Variants in CPED1 observed in about 807,000 individuals in gnomAD.
The protein encoded by CPED1 is cadherin-like and PC-esterase domain-containing protein 1.
In CPED1, 114 loss-of-function variants were observed where a neutral mutation model predicts 128.2. The observed-to-expected ratio is 0.89, with a 90% CI of 0.76 to 1.04. CPED1 has a LOEUF of 1.04. Ranked by LOEUF, CPED1 falls within the 50% of genes least tolerant of loss-of-function variation. The pLI, the probability that CPED1 is intolerant of heterozygous loss-of-function variation, is 0.00. For synonymous variants in CPED1, 462 were observed against 426.7 expected, an observed-to-expected ratio of 1.08 and a Z score of -1.02; for missense variants, 1,211 against 1,207.1, an observed-to-expected ratio of 1.00 and a Z score of -0.05.
At chr7:121,209,717 C>G (rs1797603782) in intron 16 of CPED1, among the ~76,000 whole-genome samples, 1 of 151,880 alleles carries the variant, frequency 6.6e-6, no homozygotes, top group South Asian at 2.1e-4. Flanking sequence ...AGTAATTCCC[C>G]AAAAGCACAG....
At chr7:121,179,295 A>G (rs1199132200) in intron 16 of CPED1, among the ~76,000 whole-genome samples, 3 of 152,108 alleles carry the variant, frequency 2.0e-5, no homozygotes, top group Non-Finnish European at 4.4e-5. Context: ...GGATATAGAT[A>G]TACTCTGTAA....
At chr7:121,181,697 A>G (rs1431295102) in intron 16 of CPED1, among the ~76,000 whole-genome samples, 2 of 152,114 alleles carry the variant, frequency 1.3e-5, no homozygotes, top group Admixed American at 6.6e-5. Flanking sequence ...GTCAACCTTT[A>G]GTAAAATTGT....
At chr7:121,201,975 A>T (rs1002148792) in intron 16 of CPED1, among the ~76,000 whole-genome samples, 1 of 152,152 alleles carries the variant, frequency 6.6e-6, no homozygotes, top group African/African-American at 2.4e-5. Flanking sequence ...TGGGTATAGC[A>T]TAGCAAAATT....
rs557976074 is a variant in CPED1, at chr7:121,125,866, A to G, written c.1108A>G (p.Ser370Gly). The G allele has an allele frequency of 2.6e-5, 42 of 1,613,484 alleles. No homozygotes were observed. In the African/African-American group the frequency reaches 5.1e-4, roughly 19 times the overall value. The change falls in exon 9 of 23, where the codon AGT (serine) becomes GGT (glycine). Residue 370 changes from serine (S) to glycine (G), a missense_variant. Coordinates refer to ENST00000310396, the MANE Select transcript of CPED1 (RefSeq NM_024913.5). ...TCTAACTTTTGATATTGGTTATGGC[A>G]GTTTCATGTACCCTGTAGTGCTCCA... ...QLLTFDIGYG[S>G]FMYPVVLQVH... is the part of the protein sequence containing the mutation.
intron 4 of CPED1, among the ~76,000 whole-genome samples, chr7:121,060,379 T>C (rs1793627227): frequency 1.3e-5 from 2 of 152,216 alleles, no homozygotes; most frequent in African/African-American, 2.4e-5. Context: ...CGGGATCCAC[T>C]GGGTGAAGCC....
intron 4 of CPED1, among the ~76,000 whole-genome samples, chr7:121,060,597 C>G (rs1441721883): frequency 6.6e-6 from 1 of 152,192 alleles, no homozygotes; most frequent in Non-Finnish European, 1.5e-5. Flanking sequence ...TGTGTGGACA[C>G]TCTGTATCTA....
At chr7:121,124,673 A>G (rs771132569) in intron 8 of CPED1, among the ~76,000 whole-genome samples, 200 bp downstream of exon 8, 3 of 152,176 alleles carry the variant, frequency 2.0e-5, no homozygotes, top group African/African-American at 7.2e-5. Flanking sequence ...TGGCAGACTC[A>G]GTAGTATCTA....
rs745337925 is a variant in CPED1 at position 121,015,722 on chromosome 7, A to T, written c.307A>T (p.Arg103Trp). 6.2e-7 allele frequency: 1 copy of T among 1,612,038 alleles called. No homozygotes were observed. Among genetic ancestry groups the T allele is most frequent in the South Asian group, 1.1e-5 (1 of 90,708 alleles). ...GSHGRRAILY[R>W]PPFYSKTELQ... ...CCATGGCCGAAGGGCCATACTCTAC[A>T]GGCCTCCTTTCTACAGCAAAACAGA... Residue 103 changes from arginine to tryptophan, a missense_variant, in exon 3 of 23, where the codon AGG becomes TGG. By Grantham distance (101) the Arg-to-Trp change is moderately radical. Transcript: ENST00000310396.
At chr7:121,276,063 T>C (rs1249847005) in intron 22 of CPED1, among the ~76,000 whole-genome samples, 1 of 152,112 alleles carries the variant, frequency 6.6e-6, no homozygotes, top group Non-Finnish European at 1.5e-5. Context: ...TGAATTAGTA[T>C]GGAAATTTAA....
intron 3 of CPED1, among the ~76,000 whole-genome samples, chr7:121,041,465 A>AT (rs1270811422): frequency 6.6e-6 from 1 of 152,232 alleles, no homozygotes; most frequent in East Asian, 1.9e-4. Context: ...ATATTCTTAG[A>AT]TTTTTATTAC....
At chr7:121,203,447 T>C (rs553620568) in intron 16 of CPED1, among the ~76,000 whole-genome samples, 1 of 152,284 alleles carries the variant, frequency 6.6e-6, no homozygotes, top group South Asian at 2.1e-4. Flanking sequence ...TCTTACCATC[T>C]TTCCCTTTCC....
At chr7:121,111,307 C>G (rs764178152) in intron 7 of CPED1, among the ~76,000 whole-genome samples, 7 of 152,138 alleles carry the variant, frequency 4.6e-5, no homozygotes, top group Non-Finnish European at 1.0e-4. Flanking sequence ...CACTGTAACC[C>G]CTATTTCCAA....
intron 22 of CPED1, among the ~76,000 whole-genome samples, chr7:121,288,376 A>G (rs1792627162): frequency 6.6e-6 from 1 of 152,228 alleles, no homozygotes; most frequent in African/African-American, 2.4e-5. Context: ...TTTGAAGAAC[A>G]TATGGGAGCA....
At chr7:121,241,171 G>A (rs1798383711) in intron 17 of CPED1, among the ~76,000 whole-genome samples, 1 of 92,026 alleles carries the variant, frequency 1.1e-5, no homozygotes, top group Non-Finnish European at 2.3e-5. Context: ...GTGAAACCCC[G>A]TCTCTACTAA....
chr7:121,266,957 A>G, intron 20 of CPED1, 149 bp downstream of exon 20: 1 of 660,336 alleles, frequency 1.5e-6, no homozygotes, highest in Non-Finnish European at 2.6e-6. Context: ...ATAAAGTAAA[A>G]TAGTCTTGTA....
chr7:121,090,431 C>A (rs1394393305), intron 5 of CPED1, among the ~76,000 whole-genome samples: 1 of 152,130 alleles, frequency 6.6e-6, no homozygotes, highest in Non-Finnish European at 1.5e-5. Context: ...GATATGATAA[C>A]ATCATATGAA....
chr7:121,244,833 C>G (rs1249556990), intron 18 of CPED1, among the ~76,000 whole-genome samples: 3 of 152,142 alleles, frequency 2.0e-5, no homozygotes, highest in Non-Finnish European at 4.4e-5. Context: ...CTTTCATATT[C>G]CTGGGCAGGT....
chr7:121,228,286 CA>C (rs1584614365), intron 16 of CPED1, among the ~76,000 whole-genome samples: 1 of 151,880 alleles, frequency 6.6e-6, no homozygotes, highest in East Asian at 1.9e-4. Context: ...ACTCAAACAA[CA>C]AGTGAAAAAG....
chr7:121,063,460 CTCTCT>C lies in CPED1; in HGVS notation c.541-773_541-769del, dbSNP rs1167165291. On this transcript the variant is annotated intron_variant, in intron 4 of 22. Coordinates refer to ENST00000310396, the MANE Select transcript of CPED1 (RefSeq NM_024913.5). ...AGCTACCACCCCTGTTTCCAGTTGC[CTCTCT>C]TCTCCAACTGCAGCTGGGTTATTTC... Among the ~76,000 whole-genome samples, 2 of 148,266 alleles carry C rather than the reference CTCTCT, an allele frequency of 1.3e-5. 1 individual carries two copies. Among genetic ancestry groups the C allele is most frequent in the South Asian group, 4.3e-4 (2 of 4,630 alleles).
Sources: gnomAD v4.1 joint callset for allele counts (sites outside exome capture counted in the v4.1 genomes callset) on GRCh38, gnomAD v4.1.1 for gene constraint, MANE v1.5 for transcripts, NCBI Gene and HGNC (gene_info 2026-07-23, HGNC 2026-07-21) for gene names.